Variants in CD226 observed in about 807,000 individuals in gnomAD.
The protein encoded by CD226 is CD226 antigen.
CD226 carries 24 observed loss-of-function variants against 34.9 expected under a neutral mutation model. The ratio of observed to expected loss-of-function variants is 0.69; its 90% CI spans 0.50 to 0.97. The LOEUF (loss-of-function observed/expected upper bound fraction) is 0.97, where lower values mean the gene tolerates loss of function less well. Among genes scored for constraint, CD226 ranks in the 50% least tolerant of loss-of-function variants. CD226 has a pLI of 0.00. For missense variants in CD226, 397 were observed against 412.7 expected (o/e 0.96, Z 0.33); for synonymous variants, 148 against 147.4 (o/e 1.00, Z -0.03).
chr18:69,950,187 C>T (rs1418721693), upstream of CD226, among the ~76,000 whole-genome samples: 1 of 152,072 alleles, frequency 6.6e-6, no homozygotes, highest in Non-Finnish European at 1.5e-5. Flanking sequence ...TACATGCATA[C>T]ACTCACATGC....
chr18:69,934,279 T>TACATAC lies in CD226; in HGVS notation c.382+12454_382+12455insGTATGT, dbSNP rs1555684029. 3.3e-3 allele frequency among the ~76,000 whole-genome samples: 240 copies of TACATAC among 73,198 alleles called. 2 individuals are homozygous for TACATAC. Among genetic ancestry groups the TACATAC allele is most frequent in the Admixed American group, 9.3e-3 (55 of 5,886 alleles). 48.0% of individuals were successfully genotyped at this position (73,198 alleles called of 152,430 possible). On this transcript the variant is annotated intron_variant, in intron 2 of 5. Transcript: ENST00000582621. ...GAAATGATCCTGTCCACACAGAGGA[T>TACATAC]ACACACACACACACACACACACACA...
chr18:69,948,408 A>G (rs1412643663), upstream of CD226, among the ~76,000 whole-genome samples: 1 of 152,214 alleles, frequency 6.6e-6, no homozygotes, highest in Non-Finnish European at 1.5e-5. Context: ...AAAATAGAAG[A>G]TGAGTAAAAA....
At chr18:69,902,750 T>C (rs2055203573) in intron 2 of CD226, among the ~76,000 whole-genome samples, 3 of 151,900 alleles carry the variant, frequency 2.0e-5, no homozygotes, top group Admixed American at 2.0e-4. Flanking sequence ...GATAACTTGT[T>C]CTTACGATGC....
chr18:69,877,483 T>C (rs1237777281), intron 3 of CD226, among the ~76,000 whole-genome samples: 1 of 152,148 alleles, frequency 6.6e-6, no homozygotes, highest in Non-Finnish European at 1.5e-5. Context: ...ACTGACAACC[T>C]TGTAGAAATG....
intron 2 of CD226, among the ~76,000 whole-genome samples, chr18:69,897,167 G>C (rs535741289): frequency 3.9e-5 from 6 of 152,238 alleles, no homozygotes; most frequent in African/African-American, 1.4e-4. Context: ...TGGTATGCAT[G>C]CTTGAAAATT....
chr18:69,947,315 A>C, intron 1 of CD226, 46 bp downstream of exon 1: 1 of 1,323,968 alleles, frequency 7.6e-7, no homozygotes, highest in African/African-American at 1.5e-5. Flanking sequence ...GTACAAACAA[A>C]AACAGGAGCA....
chr18:69,924,178 G>GA (rs2055491510), intron 2 of CD226, among the ~76,000 whole-genome samples: 1 of 151,592 alleles, frequency 6.6e-6, no homozygotes, highest in African/African-American at 2.4e-5. Context: ...GAGACAGATG[G>GA]AAAAATTAAA....
At position 69,867,530 on chromosome 18, in the gene CD226, A is replaced by G. The variant is rs549874820; in HGVS notation, c.831-119T>C. 3.6e-4 allele frequency: 226 copies of G among 632,842 alleles called. 11 individuals are homozygous for G. Among genetic ancestry groups the G allele is most frequent in the South Asian group, 3.4e-3 (145 of 42,298 alleles). 39.2% of individuals were successfully genotyped at this position (632,842 alleles called of 1,614,324 possible). A position where few individuals can be genotyped will look rare whatever the true frequency, so the allele number is the denominator to read the frequency against. On this transcript the variant is annotated intron_variant, in intron 4 of 5. Transcript: ENST00000582621. ...CATGCACCTTCTAATATGTTGAAGT[A>G]GCTTTATGCACATTTATCCAAAATT...
chr18:69,868,125 G>C (rs1330517016), intron 4 of CD226, among the ~76,000 whole-genome samples: 1 of 152,100 alleles, frequency 6.6e-6, no homozygotes. Flanking sequence ...ACCTAACCAG[G>C]GGAATCATAG....
chr18:69,955,618 A>C (rs1451981367), intron 1 of CD226, among the ~76,000 whole-genome samples: 1 of 152,124 alleles, frequency 6.6e-6, no homozygotes, highest in African/African-American at 2.4e-5. Context: ...CTGTAATCCC[A>C]AAGTGAAGGC....
chr18:69,878,730 T>C (rs1326270406), intron 3 of CD226, among the ~76,000 whole-genome samples: 2 of 152,056 alleles, frequency 1.3e-5, no homozygotes, highest in African/African-American at 2.4e-5. Flanking sequence ...AAAGAAAACA[T>C]GTGGTTTTCG....
In CD226 at chr18:69,895,914, G is replaced by A; in HGVS notation, c.514C>T (p.Gln172Ter). The change falls in exon 3 of 6, where the codon CAG becomes TAG. Residue 172 changes from glutamine (Q) to a stop codon, truncating the protein, a stop_gained. Coordinates refer to ENST00000582621, the MANE Select transcript of CD226 (RefSeq NM_001303618.2). LOFTEE classifies it high-confidence loss of function. ...AVRWEKIQPR[Q>*]IDLLTYCNLV... The stretch of plus-strand genomic sequence containing the variant: ...TTGCAGTAAGTTAAGAGGTCGATCT[G>A]ACGGGGCTGGATCTTTTCCCACCTC... The A allele has an allele frequency of 6.2e-7, 1 of 1,614,108 alleles. No homozygotes were observed. The highest frequency in any genetic ancestry group is 8.5e-7 in the Non-Finnish European group (1 of 1,180,018).
intron 3 of CD226, among the ~76,000 whole-genome samples, chr18:69,883,797 A>C (rs1984404388): frequency 6.6e-6 from 1 of 152,280 alleles, no homozygotes; most frequent in African/African-American, 2.4e-5. Context: ...ATGAGCCATC[A>C]GTATTAAAAG....
intron 2 of CD226, among the ~76,000 whole-genome samples, chr18:69,896,452 A>G (rs940341577): frequency 2.0e-5 from 3 of 152,184 alleles, no homozygotes; most frequent in Non-Finnish European, 4.4e-5. Flanking sequence ...AAGTGCTGGG[A>G]TTACAGGCAT....
upstream of CD226, among the ~76,000 whole-genome samples, chr18:69,960,524 A>G (rs893925560): frequency 6.6e-6 from 1 of 152,210 alleles, no homozygotes; most frequent in Non-Finnish European, 1.5e-5. Context: ...ATCTTGGCTC[A>G]CTGCAACCTC....
At position 69,895,906 on chromosome 18, in the gene CD226, G is replaced by A. The variant is rs1390759570; in HGVS notation, c.522C>T (p.Asp174=). ...RWEKIQPRQI[D]LLTYCNLVHG... ...GGACCAAGTTGCAGTAAGTTAAGAG[G>A]TCGATCTGACGGGGCTGGATCTTTT... Residue 174 remains aspartate (D), a synonymous_variant, in exon 3 of 6, where the codon GAC becomes GAT. Coordinates refer to ENST00000582621, the MANE Select transcript of CD226 (RefSeq NM_001303618.2). 2 of 1,614,168 alleles carry A rather than the reference G, an allele frequency of 1.2e-6. No homozygotes were observed. The highest frequency in any genetic ancestry group is 1.1e-5 in the South Asian group (1 of 91,090).
intron 3 of CD226, among the ~76,000 whole-genome samples, chr18:69,874,224 G>A (rs1174472661): frequency 6.6e-6 from 1 of 152,188 alleles, no homozygotes; most frequent in Non-Finnish European, 1.5e-5. Context: ...AGACTCTCAT[G>A]AGTCAATATT....
intron 3 of CD226, among the ~76,000 whole-genome samples, chr18:69,893,548 A>G (rs768305148): frequency 6.6e-6 from 1 of 152,070 alleles, no homozygotes; most frequent in Non-Finnish European, 1.5e-5. Context: ...TGAATAGAAC[A>G]TTTTTTTCTT....
chr18:69,900,452 G>T (rs879316632), intron 2 of CD226, among the ~76,000 whole-genome samples: 3 of 152,066 alleles, frequency 2.0e-5, no homozygotes, highest in African/African-American at 7.2e-5. Context: ...AATTTTTCTG[G>T]CCGGGCGCGG....
Sources: gnomAD v4.1 joint callset for allele counts (sites outside exome capture counted in the v4.1 genomes callset) on GRCh38, gnomAD v4.1.1 for gene constraint, MANE v1.5 for transcripts, NCBI Gene and HGNC (gene_info 2026-07-23, HGNC 2026-07-21) for gene names.